Variants in GABRG3 observed in about 807,000 individuals in gnomAD.
The protein encoded by GABRG3 is gamma-aminobutyric acid type A receptor subunit gamma3, also known as gamma-aminobutyric acid receptor subunit gamma-3.
Under a neutral mutation model 48.8 loss-of-function variants are expected in GABRG3, and 25 were observed. That is an observed-to-expected ratio of 0.51 (90% CI 0.37 to 0.72). The LOEUF (loss-of-function observed/expected upper bound fraction) is 0.72. Ranked by LOEUF, GABRG3 falls within the 30% of genes least tolerant of loss-of-function variation. The probability of loss-of-function intolerance (pLI) is 0.00; values close to 1 mark genes in which losing one functional copy is unlikely to be tolerated. For missense variants in GABRG3, 394 were observed against 577.9 expected (o/e 0.68, Z 3.26); for synonymous variants, 227 against 217.6 (o/e 1.04, Z -0.38).
chr15:27,103,056 G>GAA (rs552659050), intron 3 of GABRG3, among the ~76,000 whole-genome samples: 136 of 152,312 alleles, frequency 8.9e-4, no homozygotes, highest in African/African-American at 3.2e-3. Context: ...TGTGAATTAT[G>GAA]AAACTAGTCT....
chr15:27,251,687 T>C (rs1359977643), intron 3 of GABRG3, among the ~76,000 whole-genome samples: 2 of 152,180 alleles, frequency 1.3e-5, no homozygotes, highest in African/African-American at 4.8e-5. Context: ...GAGGTTTTGG[T>C]TTATTTTCTT....
intron 2 of GABRG3, among the ~76,000 whole-genome samples, chr15:26,995,577 A>C (rs973161455): frequency 6.6e-6 from 1 of 151,556 alleles, no homozygotes; most frequent in African/African-American, 2.4e-5. Context: ...TTCTAGTAGA[A>C]GATTTTGGTT....
At chr15:27,481,031 A>T (rs1457115986) in intron 6 of GABRG3, 43 of 1,310,542 alleles carry the variant, frequency 3.3e-5, no homozygotes, top group Non-Finnish European at 3.8e-5. Flanking sequence ...AAACCTAGCT[A>T]TAAACTTAAC....
intron 9 of GABRG3, among the ~76,000 whole-genome samples, chr15:27,531,140 C>T (rs1256775927): frequency 2.6e-5 from 4 of 152,218 alleles, no homozygotes; most frequent in Non-Finnish European, 2.9e-5. Context: ...GCAGCCGCAC[C>T]GTGAGGCCCC....
chr15:27,454,816 ATAC>A (rs1333810984), intron 5 of GABRG3, among the ~76,000 whole-genome samples: 2 of 152,220 alleles, frequency 1.3e-5, no homozygotes, highest in Non-Finnish European at 2.9e-5. Flanking sequence ...GTGTCAACAC[ATAC>A]GTACGTTGAC....
chr15:27,326,760 G>T, intron 3 of GABRG3, 49 bp from the exon 4 acceptor site: 1 of 1,431,182 alleles, frequency 7.0e-7, no homozygotes, highest in South Asian at 1.2e-5. Context: ...AAATTATACA[G>T]AACATTTATT....
intron 3 of GABRG3, chr15:27,294,800 C>T (rs1189540774): frequency 1.3e-5 from 2 of 152,200 alleles, no homozygotes; most frequent in African/African-American, 4.8e-5. Context: ...TGACTGTTGT[C>T]TGTAGAATCT....
intron 3 of GABRG3, among the ~76,000 whole-genome samples, chr15:27,126,123 A>C (rs955670076): frequency 6.9e-6 from 1 of 145,642 alleles, no homozygotes; most frequent in African/African-American, 2.5e-5. Context: ...TACAGCAACC[A>C]GCGGCATGAC....
At chr15:27,333,257 C>T (rs1893858968) in intron 5 of GABRG3, among the ~76,000 whole-genome samples, 1 of 152,154 alleles carries the variant, frequency 6.6e-6, no homozygotes. Context: ...TGGCTTGAAA[C>T]AACATCAATT....
In GABRG3 at chr15:26,974,828, G is replaced by A. The variant is rs1041111618; in HGVS notation, c.54-2174G>A. On this transcript the variant is annotated intron_variant, in intron 1 of 9. Coordinates refer to ENST00000615808, the MANE Select transcript of GABRG3 (RefSeq NM_033223.5). The surrounding 1 kb of genome is among the most constrained non-coding windows in gnomAD (Gnocchi z 4.3). ...TTTCTGATAATATTTCAGATGACAC[G>A]AAATATTTTTTAAATTTATTATTAT... Among the ~76,000 whole-genome samples, 5 of 147,200 alleles carry A rather than the reference G, an allele frequency of 3.4e-5. No individual in the cohort carries two copies. The highest frequency in any genetic ancestry group is 6.9e-5 in the Admixed American group (1 of 14,400).
Position 27,533,372 on chromosome 15 carries a change from A to C in GABRG3, c.*491A>C, listed in dbSNP as rs753994536. 2.7e-4 allele frequency: 43 copies of C among 157,462 alleles called. No homozygotes were observed. The highest frequency in any genetic ancestry group is 4.9e-4 in the Non-Finnish European group (35 of 71,538). 9.8% of individuals were successfully genotyped at this position (157,462 alleles called of 1,614,324 possible). On this transcript the variant is annotated 3_prime_UTR_variant, in exon 10 of 10. Transcript: ENST00000615808. The stretch of plus-strand genomic sequence containing the variant: ...ATGTGTGTGCTCCAGTGTGAACAGC[A>C]GTGGGTTCCAACCCCAGTCTCCTTT...
At chr15:27,463,921 C>A (rs146437074) in intron 5 of GABRG3, among the ~76,000 whole-genome samples, 14 of 152,102 alleles carry the variant, frequency 9.2e-5, no homozygotes, top group Non-Finnish European at 1.8e-4. Context: ...CCCACGTGCC[C>A]CTCCCATAAG....
intron 6 of GABRG3, among the ~76,000 whole-genome samples, chr15:27,513,367 G>A (rs1028608917): frequency 3.3e-5 from 5 of 151,814 alleles, no homozygotes; most frequent in South Asian, 2.1e-4. Context: ...GGAGAATGGC[G>A]TGAACCTGGG....
chr15:27,423,217 CA>C (rs112058241), intron 5 of GABRG3, among the ~76,000 whole-genome samples: 1,610 of 16,494 alleles, frequency 0.098, 22 homozygotes, highest in African/African-American at 0.19. Context: ...CCCAGGTATA[CA>C]AAAAAAAAAA....
intron 3 of GABRG3, among the ~76,000 whole-genome samples, chr15:27,143,231 A>C (rs1380222856): frequency 1.3e-5 from 2 of 152,150 alleles, no homozygotes; most frequent in Admixed American, 1.3e-4. Context: ...GGCATGTGCC[A>C]CCACGCCTGG....
At chr15:27,098,241 C>T (rs922749966) in intron 3 of GABRG3, among the ~76,000 whole-genome samples, 1 of 152,044 alleles carries the variant, frequency 6.6e-6, no homozygotes, top group African/African-American at 2.4e-5. Context: ...CAAGACCAGC[C>T]TGACCAACAT....
At position 27,376,509 on chromosome 15, in the gene GABRG3, C is replaced by T. The variant is rs1189978831; in HGVS notation, c.574+47621C>T. Among the ~76,000 whole-genome samples, 2 of 152,226 alleles carry T rather than the reference C, an allele frequency of 1.3e-5. 1 individual carries two copies. Among genetic ancestry groups the T allele is most frequent in the East Asian group, 3.8e-4 (2 of 5,196 alleles). ...CGTGGGCATCCAGGTGTTTCCATAG[C>T]TCTTCTAAAATCTAGGCAGAGGTTC... On this transcript the variant is annotated intron_variant, in intron 5 of 9. Coordinates refer to ENST00000615808, the MANE Select transcript of GABRG3 (RefSeq NM_033223.5).
At chr15:27,052,315 G>A (rs985929394) in intron 3 of GABRG3, among the ~76,000 whole-genome samples, 9 of 152,160 alleles carry the variant, frequency 5.9e-5, no homozygotes, top group East Asian at 1.9e-4. Flanking sequence ...CTCCCGTGCC[G>A]CAAATGGTGA....
At chr15:27,491,143 A>T (rs1890343932) in intron 6 of GABRG3, among the ~76,000 whole-genome samples, 1 of 152,184 alleles carries the variant, frequency 6.6e-6, no homozygotes, top group African/African-American at 2.4e-5. Context: ...TGCTACTGAG[A>T]TGCTCACGCT....
Sources: gnomAD v4.1 joint callset for allele counts (sites outside exome capture counted in the v4.1 genomes callset) on GRCh38, gnomAD v4.1.1 for gene constraint, Gnocchi (gnomAD v3.1) non-coding constraint, MANE v1.5 for transcripts, NCBI Gene and HGNC (gene_info 2026-07-23, HGNC 2026-07-21) for gene names.